The following PCDHA6 variants were observed in gnomAD, a reference collection of about 807,000 sequenced individuals.
PCDHA6 encodes protocadherin alpha-6.
In PCDHA6, 55 loss-of-function variants were observed where a neutral mutation model predicts 60.3. That is an observed-to-expected ratio of 0.91 (90% CI 0.73 to 1.14). The LOEUF (loss-of-function observed/expected upper bound fraction) is 1.14, where lower values mean the gene tolerates loss of function less well. Among genes scored for constraint, PCDHA6 ranks in the 50% most tolerant of loss-of-function variants. The pLI is 0.00. For missense variants in PCDHA6, 1,327 were observed against 1,256.5 expected (o/e 1.06, Z -0.85); for synonymous variants, 652 against 557.9 (o/e 1.17, Z -2.38).
At chr5:140,923,434 G>A (rs1461886077) in intron 1 of PCDHA6, among the ~76,000 whole-genome samples, 1 of 152,088 alleles carries the variant, frequency 6.6e-6, no homozygotes, top group Non-Finnish European at 1.5e-5. Context: ...AGGCTGGGGT[G>A]GGAGGATCAC....
At position 140,978,992 on chromosome 5, in the gene PCDHA6, G is replaced by T. The variant is rs1363421000; in HGVS notation, c.2438G>T (p.Arg813Ile). The change falls in exon 2 of 4, where the codon AGA (arginine) becomes ATA (isoleucine). Residue 813 changes from arginine to isoleucine, a missense_variant. Arg to Ile is a moderately conservative substitution (Grantham distance 97). Transcript: ENST00000529310. ...NPDWRYSASL[R>I]AGMHSSVHLE... Reference sequence around the variant, plus strand: ...GACTGGCGTTACTCTGCCTCCCTGAGAGCAGGCATGCACAGGTATGTATTT... The same window carrying T: ...GACTGGCGTTACTCTGCCTCCCTGATAGCAGGCATGCACAGGTATGTATTT... The T allele has an allele frequency of 8.1e-6, 13 of 1,614,060 alleles. No homozygotes were observed. Among genetic ancestry groups the T allele is most frequent in the Non-Finnish European group, 1.1e-5 (13 of 1,180,034 alleles).
intron 1 of PCDHA6, among the ~76,000 whole-genome samples, chr5:140,972,955 C>T (rs1450892735): frequency 6.6e-6 from 1 of 152,080 alleles, no homozygotes; most frequent in African/African-American, 2.4e-5. Context: ...AGCCACCATG[C>T]CCGGCAAAGG....
chr5:140,876,481 C>T (rs1442284424), intron 1 of PCDHA6: 9 of 1,613,878 alleles, frequency 5.6e-6, no homozygotes, highest in Admixed American at 1.7e-5. Flanking sequence ...CAGCATGGTC[C>T]TGGTGGAAGT....
intron 1 of PCDHA6, among the ~76,000 whole-genome samples, chr5:140,961,726 A>ACAAT (rs1470566144): frequency 1.4e-4 from 21 of 152,270 alleles, no homozygotes; most frequent in African/African-American, 4.8e-4. Flanking sequence ...GTGCTCATAA[A>ACAAT]CAATCACTTT....
intron 1 of PCDHA6, chr5:140,877,199 C>T (rs1345698735): frequency 8.7e-6 from 14 of 1,613,698 alleles, no homozygotes; most frequent in Non-Finnish European, 1.2e-5. Flanking sequence ...GCAGGAGGCG[C>T]AGTTAGCGAG....
intron 3 of PCDHA6, among the ~76,000 whole-genome samples, chr5:140,988,622 A>G (rs192744779): frequency 6.6e-6 from 1 of 152,242 alleles, no homozygotes; most frequent in East Asian, 1.9e-4. Flanking sequence ...TAGAATGGAG[A>G]TGTCCTGGTT....
chr5:140,836,098 G>A, intron 1 of PCDHA6: 5 of 1,613,714 alleles, frequency 3.1e-6, no homozygotes, highest in Non-Finnish European at 4.2e-6. Context: ...CGGGTGGGTG[G>A]CACTGGTGGC....
rs192376340 is a variant in PCDHA6, at chr5:140,857,538, G to T, written c.2394+27053G>T. The T allele has an allele frequency of 6.9e-6, 11 of 1,597,348 alleles. No individual in the cohort carries two copies. In the East Asian group the frequency reaches 2.0e-4, roughly 29 times the overall value. On this transcript the variant is annotated intron_variant, in intron 1 of 3. Transcript: ENST00000529310. Reference sequence around the variant, plus strand: ...GTGTCCTACTCTCTGGTGGAGCGGCGGTTGGGCGAGCGCTCGCTGTCGAGC... The same window carrying T: ...GTGTCCTACTCTCTGGTGGAGCGGCTGTTGGGCGAGCGCTCGCTGTCGAGC...
chr5:140,899,269 A>G (rs1301807291), intron 1 of PCDHA6, among the ~76,000 whole-genome samples: 43 of 152,142 alleles, frequency 2.8e-4, no homozygotes, highest in African/African-American at 1.0e-3. Flanking sequence ...GTCTTGTGGC[A>G]GTTTTCAAAG....
chr5:140,994,658 T>C (rs2097643677), intron 3 of PCDHA6, among the ~76,000 whole-genome samples: 1 of 152,024 alleles, frequency 6.6e-6, no homozygotes, highest in African/African-American at 2.4e-5. Flanking sequence ...TGAGCTGAGA[T>C]CACACTACTG....
At chr5:140,921,704 A>T (rs1465184855) in intron 1 of PCDHA6, among the ~76,000 whole-genome samples, 8 of 152,234 alleles carry the variant, frequency 5.3e-5, no homozygotes, top group African/African-American at 1.9e-4. Flanking sequence ...AATTTTAAAC[A>T]GTAAACACAC....
intron 1 of PCDHA6, chr5:140,866,668 AT>A (rs2049485821): frequency 1.3e-5 from 2 of 152,156 alleles, no homozygotes; most frequent in African/African-American, 2.4e-5. Flanking sequence ...TCAAGAAATA[AT>A]AGCACTAGGT....
Position 140,829,527 on chromosome 5 carries a change from C to T in PCDHA6, c.1436C>T (p.Ala479Val), listed in dbSNP as rs113031368. The T allele has an allele frequency of 6.2e-7, 1 of 1,613,148 alleles. No homozygotes were observed. Among genetic ancestry groups the T allele is most frequent in the African/African-American group, 1.3e-5 (1 of 74,922 alleles). ...PPGCHIFTVSARDADAQENAL... is the reference protein window; with the variant it reads ...PPGCHIFTVSVRDADAQENAL... The stretch of plus-strand genomic sequence containing the variant: ...GGCTGCCACATCTTCACGGTGTCTG[C>T]GCGAGACGCGGACGCGCAGGAGAAC... The change falls in exon 1 of 4, where the codon GCG (alanine) becomes GTG (valine). Residue 479 changes from alanine (A) to valine (V), a missense_variant. Ala to Val is a moderately conservative substitution (Grantham distance 64, BLOSUM62 0). Transcript: ENST00000529310.
rs184768008 is a variant in PCDHA6 at position 140,933,949 on chromosome 5, G to C, written c.2395-45000G>C. ...GTTGTGACTTTTTTTCACATCTGCA[G>C]GATCTGTAGTGATGTTTCCCTTTTC... On this transcript the variant is annotated intron_variant, in intron 1 of 3. Coordinates refer to ENST00000529310, the MANE Select transcript of PCDHA6 (RefSeq NM_018909.4). Among the ~76,000 whole-genome samples the C allele has an allele frequency of 8.5e-4, 129 of 151,910 alleles. 1 individual carries two copies. The highest frequency in any genetic ancestry group is 3.0e-3 in the African/African-American group (123 of 41,458).
chr5:140,841,442 C>T (rs2150315627), intron 1 of PCDHA6: 3 of 1,613,000 alleles, frequency 1.9e-6, no homozygotes, highest in Non-Finnish European at 2.5e-6. Context: ...GGAGGCCAAA[C>T]ACGGCACCTT....
chr5:140,891,330 T>C (rs995602420), intron 1 of PCDHA6, among the ~76,000 whole-genome samples: 1 of 152,108 alleles, frequency 6.6e-6, no homozygotes, highest in Non-Finnish European at 1.5e-5. Flanking sequence ...TGGTGGTGAT[T>C]TGTGAGATTT....
rs2150160654 is a variant in PCDHA6, at chr5:140,828,910, G to T, written c.819G>T (p.Ala273=). Residue 273 remains alanine (A), a synonymous_variant, in exon 1 of 4, where the codon GCG becomes GCT. Coordinates refer to ENST00000529310, the MANE Select transcript of PCDHA6 (RefSeq NM_018909.4). ...ATGCTTCTGATCGGGATGAAGGAGC[G>T]AATGGGGCAATTTCATATTCTTTTA... ...RLNASDRDEG[A]NGAISYSFNS... 6.2e-7 allele frequency: 1 copy of T among 1,613,410 alleles called. No individual in the cohort carries two copies. Among genetic ancestry groups the T allele is most frequent in the African/African-American group, 1.3e-5 (1 of 74,766 alleles).
chr5:140,884,002 C>A (rs1189374158), intron 1 of PCDHA6: 1 of 1,612,906 alleles, frequency 6.2e-7, no homozygotes, highest in Admixed American at 1.7e-5. Flanking sequence ...GCACAGTGAG[C>A]GAGCTGATGC....
chr5:140,973,812 G>A (rs897592585), intron 1 of PCDHA6, among the ~76,000 whole-genome samples: 10 of 152,236 alleles, frequency 6.6e-5, no homozygotes, highest in Admixed American at 6.5e-4. Context: ...TGACAGAATA[G>A]CAAAGTCAGT....
Sources: gnomAD v4.1 joint callset for allele counts (sites outside exome capture counted in the v4.1 genomes callset) on GRCh38, gnomAD v4.1.1 for gene constraint, MANE v1.5 for transcripts, NCBI Gene and HGNC (gene_info 2026-07-23, HGNC 2026-07-21) for gene names.